Variants in DZANK1 observed in about 807,000 individuals in gnomAD.
DZANK1 encodes double zinc ribbon and ankyrin repeat-containing protein 1.
A neutral mutation model predicts 94.5 loss-of-function variants in DZANK1; 91 were observed. That is an observed-to-expected ratio of 0.96 (90% confidence interval 0.81 to 1.15). The LOEUF is 1.15. Among genes scored for constraint, DZANK1 ranks in the 50% most tolerant of loss-of-function variants. The pLI is 0.00. For missense variants in DZANK1, 903 were observed against 916.4 expected, an observed-to-expected ratio of 0.99 and a Z score of 0.19; for synonymous variants, 312 against 325.3, an observed-to-expected ratio of 0.96 and a Z score of 0.44.
In DZANK1 at chr20:18,456,852, T is replaced by C. The variant is rs181138129; in HGVS notation, c.264-1491A>G. 1.7e-4 allele frequency among the ~76,000 whole-genome samples: 26 copies of C among 152,342 alleles called. No individual in the cohort carries two copies. The Middle Eastern group carries it at 0.017, about 100-fold the overall frequency. On this transcript the variant is annotated intron_variant, in intron 3 of 20. Transcript: ENST00000262547. ...TTATTTCTGGGTTTGGGCTATTATG[T>C]ATAATGCTGCTATGAACATTCATGT...
intron 3 of DZANK1, 132 bp from the exon 4 acceptor site, chr20:18,455,493 C>A (rs1183431697): frequency 7.2e-6 from 5 of 691,940 alleles, no homozygotes; most frequent in African/African-American, 1.8e-5. Flanking sequence ...TTGAAGAAAT[C>A]AAATGTAATT....
chr20:18,466,929 C>G (rs1357349873), intron 1 of DZANK1, 67 bp downstream of exon 1: 1 of 152,820 alleles, frequency 6.5e-6, no homozygotes, highest in Non-Finnish European at 1.5e-5. Context: ...TTCCTCTAAC[C>G]GCGGGGCCCG....
At chr20:18,398,416 G>T in intron 14 of DZANK1, 107 bp downstream of exon 14, 1 of 952,490 alleles carries the variant, frequency 1.0e-6, no homozygotes, top group Non-Finnish European at 1.7e-6. Context: ...AGCAGAGCAG[G>T]AAAGGGAAAG....
Position 18,412,526 on chromosome 20 carries a change from AAG to A in DZANK1, c.1432+118_1432+119del, listed in dbSNP as rs199869700. On this transcript the variant is annotated intron_variant, in intron 13 of 20. Coordinates refer to ENST00000262547, the Ensembl canonical transcript of DZANK1. ...AAGAAAATTACTTGAAAAAGAGGAA[AAG>A]AAAGAAACTTACTTCTTACACATAC... is the stretch of plus-strand genomic sequence containing the variant. The A allele has an allele frequency of 2.0e-3, 2,081 of 1,055,468 alleles. 23 individuals carry two copies. The African/African-American group carries it at 0.029, about 15-fold the overall frequency. The allele number at this position is 1,055,468 out of a possible 1,614,324, so 65.4% of individuals were successfully genotyped here. A position where few individuals can be genotyped will look rare whatever the true frequency, so the allele number is the denominator to read the frequency against.
chr20:18,436,126 C>T (rs1056191644), intron 8 of DZANK1, among the ~76,000 whole-genome samples: 2 of 152,020 alleles, frequency 1.3e-5, no homozygotes, highest in Non-Finnish European at 2.9e-5. Context: ...TTCAAAGCAG[C>T]TATTTTTAAA....
intron 4 of DZANK1, 130 bp from the exon 5 acceptor site, chr20:18,453,957 C>T (rs761330039): frequency 6.4e-6 from 5 of 779,418 alleles, no homozygotes; most frequent in Non-Finnish European, 1.2e-5. Context: ...TACAAAGTGA[C>T]CCCTGTTTCA....
intron 19 of DZANK1, among the ~76,000 whole-genome samples, chr20:18,388,215 A>G (rs1181389604): frequency 6.6e-6 from 1 of 152,220 alleles, no homozygotes; most frequent in Non-Finnish European, 1.5e-5. Flanking sequence ...TGTGAGCTAC[A>G]TACTGCCCAC....
intron 10 of DZANK1, among the ~76,000 whole-genome samples, chr20:18,422,799 C>CTTTTTTTTTTTTT (rs55683540): frequency 4.8e-5 from 6 of 124,830 alleles, no homozygotes; most frequent in South Asian, 2.6e-4. Context: ...TGGCTTTGTT[C>CTTTTTTTTTTTTT]TTTTTTTTTT....
Position 18,414,342 on chromosome 20 carries a change from C to A in DZANK1, c.1242+6G>T. 1 of 1,613,506 alleles carries A rather than the reference C, an allele frequency of 6.2e-7. No homozygotes were observed. The highest frequency in any genetic ancestry group is 2.2e-5 in the East Asian group (1 of 44,876). Reference sequence around the variant, plus strand: ...GTACCAGTTCTTACTACAGGGGAGGCCTCACCTCAGAAAAAGGGCGAGGTT... The same window carrying A: ...GTACCAGTTCTTACTACAGGGGAGGACTCACCTCAGAAAAAGGGCGAGGTT... On this transcript the variant is annotated splice_donor_region_variant and intron_variant, in intron 12 of 20. Coordinates refer to ENST00000262547, the Ensembl canonical transcript of DZANK1.
chr20:18,393,656 C>A, intron 17 of DZANK1, 55 bp downstream of exon 17: 1 of 1,205,448 alleles, frequency 8.3e-7, no homozygotes, highest in Non-Finnish European at 1.2e-6. Flanking sequence ...CAAAATAAAA[C>A]CTGAAAATCA....
intron 7 of DZANK1, among the ~76,000 whole-genome samples, chr20:18,447,556 G>A (rs1478224076): frequency 6.6e-6 from 1 of 151,942 alleles, no homozygotes; most frequent in South Asian, 2.1e-4. Flanking sequence ...TTGAACTCCT[G>A]ACCTCAGGTG....
At chr20:18,398,335 G>A in intron 14 of DZANK1, 188 bp downstream of exon 14, 1 of 576,140 alleles carries the variant, frequency 1.7e-6, no homozygotes. Context: ...AGCAGACTCT[G>A]AGACAATATT....
chr20:18,394,442 T>C (rs921248697), intron 15 of DZANK1, 92 bp from the exon 16 acceptor site: 1 of 1,232,536 alleles, frequency 8.1e-7, no homozygotes, highest in African/African-American at 1.5e-5. Flanking sequence ...CTCCTCCTTA[T>C]TAAGTACAGC....
chr20:18,445,455 T>C (rs997016862), intron 7 of DZANK1, among the ~76,000 whole-genome samples: 1 of 152,214 alleles, frequency 6.6e-6, no homozygotes, highest in African/African-American at 2.4e-5. Context: ...TCAGTAAAGA[T>C]AGAGAAGACT....
intron 9 of DZANK1, among the ~76,000 whole-genome samples, chr20:18,430,631 A>G (rs1211685757): frequency 1.3e-5 from 2 of 152,192 alleles, no homozygotes; most frequent in African/African-American, 4.8e-5. Context: ...CCTGGGCAAC[A>G]AGGTGAAACC....
rs546300054 is a variant in DZANK1 at position 18,390,466 on chromosome 20, G to C, written c.1810-7C>G. On this transcript the variant is annotated splice_polypyrimidine_tract_variant and splice_region_variant and intron_variant, in intron 17 of 20. Transcript: ENST00000262547. ...GCAGGAGTCTGTTTTCAGGCTGCAG[G>C]ATTACAGAATGTGGTCATTTCCCCC... 6.2e-7 allele frequency: 1 copy of C among 1,613,432 alleles called. No individual in the cohort carries two copies. The highest frequency in any genetic ancestry group is 1.1e-5 in the South Asian group (1 of 91,060).
intron 2 of DZANK1, among the ~76,000 whole-genome samples, chr20:18,461,042 C>G (rs2059455813): frequency 6.6e-6 from 1 of 152,326 alleles, no homozygotes; most frequent in South Asian, 2.1e-4. Context: ...AACCACTATG[C>G]TCTTTTGCCT....
At chr20:18,394,402 A>T in intron 15 of DZANK1, 52 bp from the exon 16 acceptor site, 2 of 1,546,350 alleles carry the variant, frequency 1.3e-6, no homozygotes, top group Non-Finnish European at 1.8e-6. Flanking sequence ...GCTTTGTCCC[A>T]CTAGAAAGAA....
At chr20:18,455,353 C>T (rs2059250103) in exon 4 of DZANK1, 2 of 1,594,876 alleles carry the variant, frequency 1.3e-6, no homozygotes, top group African/African-American at 2.7e-5. Flanking sequence ...GCCACTCTGT[C>T]TGCAGTCTCT....
Sources: gnomAD v4.1 joint callset for allele counts (sites outside exome capture counted in the v4.1 genomes callset) on GRCh38, gnomAD v4.1.1 for gene constraint, MANE v1.5 for transcripts, NCBI Gene and HGNC (gene_info 2026-07-23, HGNC 2026-07-21) for gene names.